Variants in VRK2 observed in about 807,000 individuals in gnomAD.
VRK2 encodes the protein VRK serine/threonine kinase 2.
VRK2 carries 60 observed loss-of-function variants against 57.6 expected under a neutral mutation model. The ratio of observed to expected loss-of-function variants is 1.04; its 90% CI spans 0.85 to 1.29. The LOEUF (loss-of-function observed/expected upper bound fraction) is 1.29. Ranked by LOEUF, VRK2 falls within the 50% of genes most tolerant of loss-of-function variation. VRK2 has a pLI of 0.00. For missense variants in VRK2, 705 were observed against 588.1 expected (o/e 1.20, Z -2.06); for synonymous variants, 231 against 199.2 (o/e 1.16, Z -1.35).
rs1553400213 is a variant in VRK2 at position 58,086,325 on chromosome 2, A to G, written c.257-14A>G. ...ATAACATGAATCTTTTTAAAAATAAATTTGTCTTTGTAGTCAAAAAGTGGA... is the reference window on the plus strand; with the variant it reads ...ATAACATGAATCTTTTTAAAAATAAGTTTGTCTTTGTAGTCAAAAAGTGGA... On this transcript the variant is annotated splice_polypyrimidine_tract_variant and intron_variant, in intron 4 of 12. Transcript: ENST00000340157. 1 of 1,582,782 alleles carries G rather than the reference A, an allele frequency of 6.3e-7. No individual in the cohort carries two copies. Among genetic ancestry groups the G allele is most frequent in the South Asian group, 1.2e-5 (1 of 85,352 alleles).
intron 12 of VRK2, among the ~76,000 whole-genome samples, chr2:58,149,749 C>T (rs1334174384): frequency 1.3e-5 from 2 of 151,566 alleles, no homozygotes; most frequent in African/African-American, 4.8e-5. Flanking sequence ...ATATTAAATA[C>T]TGTTTTGAGA....
chr2:57,985,550 T>A (rs991558920), intron 1 of VRK2, among the ~76,000 whole-genome samples: 13 of 152,034 alleles, frequency 8.6e-5, no homozygotes, highest in Admixed American at 5.9e-4. Context: ...TTATATTACA[T>A]CCTTAAGTTA....
chr2:58,071,109 T>A (rs1669305158), intron 2 of VRK2, among the ~76,000 whole-genome samples: 1 of 152,160 alleles, frequency 6.6e-6, no homozygotes, highest in Non-Finnish European at 1.5e-5. Context: ...TTTACATCTT[T>A]TTTTAGAAGT....
chr2:57,925,263 A>T (rs763301781), intron 1 of VRK2, among the ~76,000 whole-genome samples: 5 of 152,028 alleles, frequency 3.3e-5, no homozygotes, highest in African/African-American at 4.8e-5. Context: ...ATTTTTTCAA[A>T]ATAGTTTGAG....
chr2:57,908,290 A>G (rs572474339), intron 1 of VRK2, among the ~76,000 whole-genome samples: 1 of 152,296 alleles, frequency 6.6e-6, no homozygotes, highest in African/African-American at 2.4e-5. Context: ...TACAATTTGC[A>G]CAGCTTTTGC....
intron 12 of VRK2, among the ~76,000 whole-genome samples, chr2:58,156,685 C>T (rs7596038): frequency 0.45 from 67,893 of 151,718 alleles, 15,372 homozygotes; most frequent in South Asian, 0.57. Context: ...ATGTTATACC[C>T]TGTATTTTTC....
chr2:58,029,353 C>T (rs1674043083), intron 2 of VRK2, among the ~76,000 whole-genome samples: 1 of 152,030 alleles, frequency 6.6e-6, no homozygotes, highest in Non-Finnish European at 1.5e-5. Flanking sequence ...AACCAGTGTC[C>T]TCATGTCTAC....
intron 3 of VRK2, among the ~76,000 whole-genome samples, 160 bp from the exon 4 acceptor site, chr2:58,084,721 C>G (rs1380251068): frequency 6.6e-6 from 1 of 151,708 alleles, no homozygotes; most frequent in African/African-American, 2.4e-5. Context: ...TTAGTGTTTT[C>G]TGAGATTTTT....
chr2:58,026,292 G>A (rs568200839), intron 2 of VRK2, among the ~76,000 whole-genome samples: 22 of 151,748 alleles, frequency 1.4e-4, no homozygotes, highest in East Asian at 7.8e-4. Context: ...GTGTGCGCGC[G>A]CACACACACA....
Position 58,047,191 on chromosome 2 carries a change from G to A in VRK2, c.-6+323G>A, listed in dbSNP as rs562229800. The A allele has an allele frequency of 2.8e-4, 73 of 261,780 alleles. 1 individual carries two copies. In the South Asian group the frequency reaches 9.9e-3, roughly 36 times the overall value. The allele number at this position is 261,780 out of a possible 1,614,324, so 16.2% of individuals were successfully genotyped here. A position where few individuals can be genotyped will look rare whatever the true frequency, so the allele number is the denominator to read the frequency against. On this transcript the variant is annotated intron_variant, in intron 1 of 12. Transcript: ENST00000340157. ...CTTGTGGCGGGAAGTTGGGGCGCGG[G>A]GTTGGCCGTAGGTCCCCGGCGTGCT...
intron 1 of VRK2, among the ~76,000 whole-genome samples, chr2:57,997,959 G>A (rs1052784073): frequency 6.6e-6 from 1 of 152,040 alleles, no homozygotes; most frequent in Non-Finnish European, 1.5e-5. Flanking sequence ...AATTGTATTA[G>A]TCAAACAGCT....
intron 1 of VRK2, among the ~76,000 whole-genome samples, chr2:57,925,794 T>G (rs757349102): frequency 6.6e-6 from 1 of 151,894 alleles, no homozygotes; most frequent in Non-Finnish European, 1.5e-5. Flanking sequence ...TGTCTTGATT[T>G]TCTAGTTTTT....
chr2:58,000,847 A>G (rs1673067895), intron 1 of VRK2, among the ~76,000 whole-genome samples: 2 of 152,264 alleles, frequency 1.3e-5, no homozygotes, highest in Admixed American at 6.5e-5. Flanking sequence ...TTAGATAGTA[A>G]TAATACAAAT....
chr2:58,047,001 G>T (rs954703494), intron 1 of VRK2, 133 bp downstream of exon 1: 20 of 983,022 alleles, frequency 2.0e-5, no homozygotes, highest in Non-Finnish European at 2.3e-5. Context: ...CAGCCCCCGG[G>T]CCTCAGCTCC....
chr2:58,037,283 G>A (rs144935559), intron 3 of VRK2, among the ~76,000 whole-genome samples: 6 of 151,986 alleles, frequency 3.9e-5, no homozygotes, highest in African/African-American at 9.6e-5. Context: ...CATGACTTCC[G>A]TGCTACACAG....
chr2:58,149,336 TTTTCTA>T (rs1348485237), intron 12 of VRK2, among the ~76,000 whole-genome samples: 2 of 151,760 alleles, frequency 1.3e-5, no homozygotes, highest in Non-Finnish European at 3.0e-5. Flanking sequence ...ATAGAATTTA[TTTTCTA>T]TTTCTATATC....
At chr2:58,116,696 G>A (rs1432525506) in intron 7 of VRK2, among the ~76,000 whole-genome samples, 4 of 152,120 alleles carry the variant, frequency 2.6e-5, no homozygotes, top group Non-Finnish European at 5.9e-5. Context: ...CAGCCGCTAA[G>A]CCAAGAAGGA....
rs752843025 is a variant in VRK2 at position 58,146,482 on chromosome 2, G to A, written c.1182+8G>A. 5.0e-6 allele frequency: 8 copies of A among 1,601,180 alleles called. No homozygotes were observed. The African/African-American group carries it at 6.8e-5, about 14-fold the overall frequency. The stretch of plus-strand genomic sequence containing the variant: ...AACAATGAAGCAGCTCAGGTGAGAG[G>A]GTTGTTTGTGTGTGTTTTTTCTAAC... On this transcript the variant is annotated splice_region_variant and intron_variant, in intron 12 of 12. Coordinates refer to ENST00000340157, the MANE Select transcript of VRK2 (RefSeq NM_006296.7).
At chr2:57,966,645 T>C (rs1436447158) in intron 1 of VRK2, among the ~76,000 whole-genome samples, 1 of 151,900 alleles carries the variant, frequency 6.6e-6, no homozygotes, top group Non-Finnish European at 1.5e-5. Context: ...CAAACGCTTT[T>C]CAGAAAAAAA....
Sources: allele counts gnomAD v4.1 joint callset (sites outside exome capture counted in the v4.1 genomes callset), GRCh38; gene constraint gnomAD v4.1.1; transcripts MANE v1.5; gene names NCBI Gene and HGNC (gene_info 2026-07-23, HGNC 2026-07-21).